Variants in GHR observed in about 807,000 individuals in gnomAD.
GHR encodes the protein growth hormone receptor, also known as GH receptor.
A neutral mutation model predicts 67.1 loss-of-function variants in GHR; 35 were observed. The ratio of observed to expected loss-of-function variants is 0.52; its 90% CI spans 0.40 to 0.69. The LOEUF (loss-of-function observed/expected upper bound fraction) is 0.69. Ranked by LOEUF, GHR falls within the 30% of genes least tolerant of loss-of-function variation. The pLI, the probability that GHR is intolerant of heterozygous loss-of-function variation, is 0.00. For synonymous variants in GHR, 272 were observed against 269.1 expected (o/e 1.01, Z -0.10); for missense variants, 792 against 764.6 (o/e 1.04, Z -0.42).
intron 3 of GHR, among the ~76,000 whole-genome samples, chr5:42,669,358 A>G (rs1378493276): frequency 6.6e-6 from 1 of 152,220 alleles, no homozygotes; most frequent in Non-Finnish European, 1.5e-5. Context: ...ATTATCATCA[A>G]TGAGAATAAA....
At chr5:42,596,819 A>G (rs774862307) in intron 2 of GHR, among the ~76,000 whole-genome samples, 1 of 152,164 alleles carries the variant, frequency 6.6e-6, no homozygotes, top group South Asian at 2.1e-4. Context: ...GCCAGCTTCC[A>G]AGAAAAGATC....
intron 3 of GHR, among the ~76,000 whole-genome samples, chr5:42,671,880 C>T (rs1195635302): frequency 9.1e-5 from 13 of 143,278 alleles, no homozygotes; most frequent in East Asian, 6.7e-4. Flanking sequence ...GGCGTGAACC[C>T]GGGAGGCGGA....
intron 3 of GHR, among the ~76,000 whole-genome samples, chr5:42,642,430 A>G (rs556503542): frequency 2.6e-5 from 4 of 152,198 alleles, no homozygotes; most frequent in Non-Finnish European, 4.4e-5. Context: ...TTTCTCTACA[A>G]AAAAGAGGGA....
intron 3 of GHR, among the ~76,000 whole-genome samples, chr5:42,673,605 A>G (rs529923012): frequency 8.5e-5 from 13 of 152,290 alleles, no homozygotes; most frequent in African/African-American, 3.1e-4. Flanking sequence ...AAAAGAATGA[A>G]ATCATGTCCT....
At chr5:42,601,955 C>A (rs1304216077) in intron 2 of GHR, among the ~76,000 whole-genome samples, 2 of 152,000 alleles carry the variant, frequency 1.3e-5, no homozygotes, top group Non-Finnish European at 2.9e-5. Flanking sequence ...GGAGGGAGAC[C>A]AACTGAGAGT....
At chr5:42,643,720 CT>C (rs59494703) in intron 3 of GHR, among the ~76,000 whole-genome samples, 12,260 of 145,934 alleles carry the variant, frequency 0.084, 579 homozygotes, top group Middle Eastern at 0.15. Context: ...TACATTATGC[CT>C]TTTTTTTTTT....
chr5:42,599,910 A>G (rs1752280259), intron 2 of GHR, among the ~76,000 whole-genome samples: 1 of 152,152 alleles, frequency 6.6e-6, no homozygotes, highest in South Asian at 2.1e-4. Flanking sequence ...TGCTTCAGCC[A>G]TTTTTGCTAC....
intron 1 of GHR, among the ~76,000 whole-genome samples, chr5:42,524,794 G>A (rs566223530): frequency 6.6e-5 from 10 of 152,334 alleles, no homozygotes; most frequent in African/African-American, 1.9e-4. Flanking sequence ...TGTCCCACCT[G>A]CTCCAGCTGT....
chr5:42,701,686 C>G (rs914984807), intron 6 of GHR, among the ~76,000 whole-genome samples: 1 of 151,982 alleles, frequency 6.6e-6, no homozygotes, highest in Non-Finnish European at 1.5e-5. Context: ...TTGCCTTTTT[C>G]GAAAATTTGT....
At chr5:42,548,760 T>G (rs1423216213) in intron 1 of GHR, among the ~76,000 whole-genome samples, 1 of 152,184 alleles carries the variant, frequency 6.6e-6, no homozygotes, top group African/African-American at 2.4e-5. Context: ...AAACTTCTTT[T>G]TTTCTGTGCT....
intron 1 of GHR, among the ~76,000 whole-genome samples, chr5:42,493,813 A>G: frequency 6.6e-6 from 1 of 152,216 alleles, no homozygotes; most frequent in Non-Finnish European, 1.5e-5. Context: ...AACAGGGCAG[A>G]TAAGTTTTCC....
intron 1 of GHR, among the ~76,000 whole-genome samples, chr5:42,508,523 C>T (rs778984083): frequency 1.1e-4 from 17 of 152,154 alleles, no homozygotes; most frequent in Non-Finnish European, 2.1e-4. Context: ...TGATTACTGT[C>T]AGCATAAATG....
At chr5:42,478,274 T>C (rs925918254) in intron 1 of GHR, among the ~76,000 whole-genome samples, 8 of 152,234 alleles carry the variant, frequency 5.3e-5, no homozygotes, top group African/African-American at 1.9e-4. Flanking sequence ...CCATGCTGTT[T>C]TGGTTACTGT....
intron 3 of GHR, among the ~76,000 whole-genome samples, chr5:42,680,198 C>A (rs537301316): frequency 6.6e-6 from 1 of 152,314 alleles, no homozygotes; most frequent in Admixed American, 6.5e-5. Context: ...CCACAGTTGG[C>A]CTGGCCAACG....
chr5:42,692,036 C>A (rs75395351), intron 4 of GHR, among the ~76,000 whole-genome samples: 675 of 152,284 alleles, frequency 4.4e-3, no homozygotes, highest in Non-Finnish European at 7.9e-3. Flanking sequence ...CTCTTCCATA[C>A]CCATTCAACC....
chr5:42,608,065 G>T (rs1752711034), intron 2 of GHR, among the ~76,000 whole-genome samples: 1 of 152,210 alleles, frequency 6.6e-6, no homozygotes, highest in South Asian at 2.1e-4. Flanking sequence ...AATCTGCATT[G>T]TCTGGTAGTG....
At chr5:42,478,473 G>T (rs1215522654) in intron 1 of GHR, among the ~76,000 whole-genome samples, 1 of 152,078 alleles carries the variant, frequency 6.6e-6, no homozygotes. Context: ...ATTACCTTGG[G>T]CAGTATGGCC....
In GHR at chr5:42,465,505, G is replaced by A. The variant is rs558502136; in HGVS notation, c.-12+41550G>A. ...CAACTTCATTCTCCTTATTTTCAGT[G>A]TCTGCCACTGGATGATGTTCTTCAC... On this transcript the variant is annotated intron_variant, in intron 1 of 9. Coordinates refer to ENST00000230882, the MANE Select transcript of GHR (RefSeq NM_000163.5). 1.0e-4 allele frequency: 155 copies of A among 1,557,278 alleles called. No homozygotes were observed. The African/African-American group carries it at 1.9e-3, about 19-fold the overall frequency.
chr5:42,447,719 C>T (rs539386590), intron 1 of GHR, among the ~76,000 whole-genome samples: 1 of 139,248 alleles, frequency 7.2e-6, no homozygotes, highest in East Asian at 2.1e-4. Context: ...CTCCCTCCCT[C>T]CCTCTCTCTC....
Sources: allele counts gnomAD v4.1 joint callset (sites outside exome capture counted in the v4.1 genomes callset), GRCh38; gene constraint gnomAD v4.1.1; transcripts MANE v1.5; gene names NCBI Gene and HGNC (gene_info 2026-07-23, HGNC 2026-07-21).